MAGI2: variants seen among roughly 807,000 people sequenced by gnomAD.
The protein encoded by MAGI2 is membrane-associated guanylate kinase, WW and PDZ domain-containing protein 2.
MAGI2 carries 35 observed loss-of-function variants against 133.3 expected under a neutral mutation model. That is an observed-to-expected ratio of 0.26 (90% CI 0.20 to 0.35). The LOEUF is 0.35. Ranked by LOEUF, MAGI2 falls within the 10% of genes least tolerant of loss-of-function variation. The pLI, the probability that MAGI2 is intolerant of heterozygous loss-of-function variation, is 1.00. For missense variants in MAGI2, 1,636 were observed against 1,863.4 expected (o/e 0.88, Z 2.25); for synonymous variants, 729 against 710.6 (o/e 1.03, Z -0.41).
chr7:78,700,791 C>T (rs562984024), intron 2 of MAGI2, among the ~76,000 whole-genome samples: 30 of 151,952 alleles, frequency 2.0e-4, no homozygotes, highest in African/African-American at 6.0e-4. Context: ...CATTTCTCAT[C>T]GTGACACTTT....
chr7:78,313,508 AATG>A (rs1205515062), intron 9 of MAGI2, among the ~76,000 whole-genome samples: 1 of 152,124 alleles, frequency 6.6e-6, no homozygotes, highest in Non-Finnish European at 1.5e-5. Flanking sequence ...GAATAGAAAC[AATG>A]ATACCAACAC....
intron 1 of MAGI2, among the ~76,000 whole-genome samples, chr7:79,016,324 C>A (rs550520465): frequency 1.3e-5 from 2 of 152,216 alleles, no homozygotes; most frequent in African/African-American, 4.8e-5. Context: ...CCGACCAGAG[C>A]ACCTTTGGTC....
chr7:79,267,013 T>C (rs1739780642), intron 1 of MAGI2, among the ~76,000 whole-genome samples: 1 of 152,118 alleles, frequency 6.6e-6, no homozygotes, highest in Admixed American at 6.5e-5. Flanking sequence ...ACTTTGATCA[T>C]CTTTGTTTCG....
intron 1 of MAGI2, among the ~76,000 whole-genome samples, chr7:79,299,904 T>C (rs76860873): frequency 0.011 from 1,636 of 152,222 alleles, 34 homozygotes; most frequent in African/African-American, 0.038. Flanking sequence ...CTTTCTCTCT[T>C]GTTTCTGCTT....
intron 21 of MAGI2, among the ~76,000 whole-genome samples, chr7:78,047,521 C>G (rs1225303809): frequency 6.6e-6 from 1 of 152,200 alleles, no homozygotes; most frequent in African/African-American, 2.4e-5. Context: ...AACTCAGGAG[C>G]CAAGCCTCAG....
chr7:79,311,587 T>C (rs937651099), intron 1 of MAGI2, among the ~76,000 whole-genome samples: 4 of 152,062 alleles, frequency 2.6e-5, no homozygotes, highest in Non-Finnish European at 4.4e-5. Flanking sequence ...CTATTTCCCT[T>C]CACTGCTTTA....
At chr7:78,404,972 G>GA (rs1261016471) in intron 6 of MAGI2, among the ~76,000 whole-genome samples, 3 of 151,936 alleles carry the variant, frequency 2.0e-5, no homozygotes, top group Non-Finnish European at 4.4e-5. Flanking sequence ...AATTTTACAA[G>GA]AAAAAAATCA....
At chr7:79,302,031 T>C (rs1298873327) in intron 1 of MAGI2, among the ~76,000 whole-genome samples, 1 of 152,232 alleles carries the variant, frequency 6.6e-6, no homozygotes, top group African/African-American at 2.4e-5. Context: ...GAGATGCTGC[T>C]ATGCTTTCTG....
At chr7:78,762,996 T>A (rs1824663474) in intron 2 of MAGI2, among the ~76,000 whole-genome samples, 1 of 152,132 alleles carries the variant, frequency 6.6e-6, no homozygotes, top group African/African-American at 2.4e-5. Flanking sequence ...ATTCAGGCAA[T>A]CTCAGACATA....
intron 3 of MAGI2, among the ~76,000 whole-genome samples, chr7:78,535,280 A>G (rs908042350): frequency 1.3e-5 from 2 of 152,208 alleles, no homozygotes; most frequent in Non-Finnish European, 2.9e-5. Context: ...TAATAGGAAA[A>G]CACTCAGGCT....
At chr7:78,972,443 C>G (rs192519685) in intron 2 of MAGI2, among the ~76,000 whole-genome samples, 1 of 151,776 alleles carries the variant, frequency 6.6e-6, no homozygotes, top group Non-Finnish European at 1.5e-5. Context: ...ATTGATGGCA[C>G]TTTCTGGTAT....
chr7:79,269,379 G>A (rs1463658818), intron 1 of MAGI2, among the ~76,000 whole-genome samples: 4 of 152,144 alleles, frequency 2.6e-5, no homozygotes, highest in African/African-American at 4.8e-5. Context: ...AATATGGGTT[G>A]CTCAGAATTT....
intron 2 of MAGI2, among the ~76,000 whole-genome samples, chr7:78,849,521 T>A (rs1430205323): frequency 1.3e-5 from 2 of 151,972 alleles, no homozygotes; most frequent in African/African-American, 2.4e-5. Context: ...TCCTTTTGGA[T>A]TTGGAATTTA....
intron 6 of MAGI2, among the ~76,000 whole-genome samples, chr7:78,477,132 G>C (rs2150443886): frequency 6.6e-6 from 1 of 151,484 alleles, no homozygotes; most frequent in African/African-American, 2.4e-5. Flanking sequence ...TATATATTCA[G>C]ATCAGTGCTT....
At chr7:79,082,450 G>T (rs1414391835) in intron 1 of MAGI2, among the ~76,000 whole-genome samples, 6 of 151,974 alleles carry the variant, frequency 3.9e-5, no homozygotes, top group African/African-American at 1.4e-4. Flanking sequence ...ATACACAGTT[G>T]TCCCAGAACC....
intron 1 of MAGI2, among the ~76,000 whole-genome samples, chr7:79,306,027 G>A (rs967229363): frequency 2.0e-5 from 3 of 149,864 alleles, no homozygotes; most frequent in African/African-American, 7.4e-5. Context: ...GAGGCAGGGT[G>A]GGGGTGTCTT....
chr7:78,136,238 G>C (rs1822114530), intron 16 of MAGI2, among the ~76,000 whole-genome samples: 1 of 151,886 alleles, frequency 6.6e-6, no homozygotes. Context: ...TCCTGCCTCA[G>C]CTTCCCGAGT....
At chr7:79,214,163 A>G (rs1161214960) in intron 1 of MAGI2, among the ~76,000 whole-genome samples, 4 of 151,640 alleles carry the variant, frequency 2.6e-5, no homozygotes, top group African/African-American at 9.7e-5. Flanking sequence ...GCAGATATTC[A>G]TAAAATATTT....
chr7:79,445,430 A>G (rs1465701721), intron 1 of MAGI2, among the ~76,000 whole-genome samples: 1 of 152,236 alleles, frequency 6.6e-6, no homozygotes, highest in Non-Finnish European at 1.5e-5. Context: ...ACAAAGGGCT[A>G]ATATCCAGAA....
Sources: allele counts gnomAD v4.1 joint callset (sites outside exome capture counted in the v4.1 genomes callset), GRCh38; gene constraint gnomAD v4.1.1; transcripts MANE v1.5; gene names NCBI Gene and HGNC (gene_info 2026-07-23, HGNC 2026-07-21).